The following KSR2 variants were observed in gnomAD, a reference collection of about 807,000 sequenced individuals.
KSR2 encodes the protein kinase suppressor of ras 2.
A neutral mutation model predicts 107.8 loss-of-function variants in KSR2; 25 were observed. The ratio of observed to expected loss-of-function variants is 0.23; its 90% CI spans 0.17 to 0.32. KSR2 has a LOEUF of 0.32. KSR2 is among the 10% of genes least tolerant of loss of function. The probability of loss-of-function intolerance (pLI) is 1.00; values close to 1 mark genes in which losing one functional copy is unlikely to be tolerated. For missense variants in KSR2, 887 were observed against 1,268.9 expected, an observed-to-expected ratio of 0.70 and a Z score of 4.57; for synonymous variants, 480 against 507.0, an observed-to-expected ratio of 0.95 and a Z score of 0.71.
Position 117,469,659 on chromosome 12 carries a change from T to G in KSR2, c.2846+3A>C, listed in dbSNP as rs1192200745. 2 of 1,611,968 alleles carry G rather than the reference T, an allele frequency of 1.2e-6. No homozygotes were observed. Among genetic ancestry groups the G allele is most frequent in the South Asian group, 2.2e-5 (2 of 90,342 alleles). On this transcript the variant is annotated splice_donor_region_variant and intron_variant, in intron 19 of 19. Coordinates refer to ENST00000339824, the MANE Select transcript of KSR2 (RefSeq NM_173598.6). The stretch of plus-strand genomic sequence containing the variant: ...GGGAGAGACATTAAGGGAGAAAACC[T>G]ACTCTGCAGACTTCCAGAAATGTCC...
At chr12:117,645,721 T>C (rs1357917198) in intron 5 of KSR2, among the ~76,000 whole-genome samples, 1 of 152,164 alleles carries the variant, frequency 6.6e-6, no homozygotes, top group African/African-American at 2.4e-5. Flanking sequence ...CGCCTTAGTT[T>C]CTCATGAGGG....
At chr12:117,947,186 GA>G (rs374803310) in intron 1 of KSR2, among the ~76,000 whole-genome samples, 2,298 of 98,684 alleles carry the variant, frequency 0.023, 46 homozygotes, top group Non-Finnish European at 0.037. Flanking sequence ...AAGAAAGAAA[GA>G]AAAGAAAGAA....
intron 3 of KSR2, among the ~76,000 whole-genome samples, chr12:117,814,494 A>G (rs1891305138): frequency 6.6e-6 from 1 of 152,156 alleles, no homozygotes; most frequent in East Asian, 1.9e-4. Flanking sequence ...TGCCACTTTC[A>G]CTGTGACAAC....
intron 5 of KSR2, among the ~76,000 whole-genome samples, chr12:117,649,237 T>A (rs2136429948): frequency 6.6e-6 from 1 of 152,314 alleles, no homozygotes; most frequent in South Asian, 2.1e-4. Context: ...GCCTGCATCC[T>A]AGAGGGCTTC....
intron 1 of KSR2, among the ~76,000 whole-genome samples, chr12:117,947,405 A>T (rs1896233966): frequency 6.6e-6 from 1 of 152,096 alleles, no homozygotes; most frequent in Non-Finnish European, 1.5e-5. Context: ...CCAAATAAAC[A>T]AACAAAAAAC....
At position 117,845,046 on chromosome 12, in the gene KSR2, T is replaced by A. The variant is rs374960767; in HGVS notation, c.472+10382A>T. On this transcript the variant is annotated intron_variant, in intron 3 of 19. Transcript: ENST00000339824. Reference sequence around the variant, plus strand: ...CTGTAGTCCCAGCTACTTGGGAGGCTGAGGCAGGAGAATGGCATGAACCCG... The same window carrying A: ...CTGTAGTCCCAGCTACTTGGGAGGCAGAGGCAGGAGAATGGCATGAACCCG... 1.3e-3 allele frequency among the ~76,000 whole-genome samples: 191 copies of A among 152,238 alleles called. 2 individuals are homozygous for A. The highest frequency in any genetic ancestry group is 3.4e-3 in the African/African-American group (143 of 41,544).
At chr12:117,870,038 G>C (rs1372439088) in intron 1 of KSR2, among the ~76,000 whole-genome samples, 5 of 152,198 alleles carry the variant, frequency 3.3e-5, no homozygotes, top group Non-Finnish European at 7.3e-5. Flanking sequence ...GAGCACCAGG[G>C]TGTGATCCCA....
chr12:117,560,493 T>C (rs1878035448), intron 7 of KSR2, among the ~76,000 whole-genome samples: 1 of 152,134 alleles, frequency 6.6e-6, no homozygotes. Context: ...TCTCCAATTC[T>C]CTTTCAATCT....
chr12:117,539,878 G>C lies in KSR2; in HGVS notation c.1528C>G (p.Pro510Ala), dbSNP rs1374231436. The change falls in exon 10 of 20, where the codon CCT becomes GCT. Residue 510 changes from proline (P) to alanine (A), a missense_variant. Pro to Ala is a conservative substitution (Grantham distance 27). Around this residue, in one of 8 missense-constraint regions of KSR2, gnomAD observed 60 missense variants for 77.5 expected, o/e 0.77. Transcript: ENST00000339824. ...CTGGAGTCTGGCTGGTAAGGGACAG[G>C]GATGTGGTCCTGCAGAGAGAAAACA... ...KTNKINKDHI[P>A]VPYQPDSSSN... 6.2e-7 allele frequency: 1 copy of C among 1,609,098 alleles called. No individual in the cohort carries two copies. The highest frequency in any genetic ancestry group is 1.7e-5 in the Admixed American group (1 of 59,402).
At chr12:117,902,326 C>T (rs753314486) in intron 1 of KSR2, among the ~76,000 whole-genome samples, 5 of 151,648 alleles carry the variant, frequency 3.3e-5, no homozygotes, top group African/African-American at 9.7e-5. Context: ...GGCGTGGTGG[C>T]GCGTGTCAAT....
At chr12:117,539,492 A>C in intron 10 of KSR2, 1 of 473,962 alleles carries the variant, frequency 2.1e-6, no homozygotes, top group South Asian at 4.4e-5. Context: ...ATGAGCTGAT[A>C]ATGCTTACCT....
At chr12:117,526,964 G>C in intron 13 of KSR2, 107 bp downstream of exon 13, 1 of 855,624 alleles carries the variant, frequency 1.2e-6, no homozygotes. Context: ...GGCCACCACA[G>C]CCCCCACCTG....
intron 5 of KSR2, among the ~76,000 whole-genome samples, chr12:117,662,032 G>T (rs1884453989): frequency 6.6e-6 from 1 of 152,116 alleles, no homozygotes; most frequent in Admixed American, 6.5e-5. Context: ...AGCTGCTGGG[G>T]CCTGAGTTTC....
intron 16 of KSR2, among the ~76,000 whole-genome samples, chr12:117,477,714 TAGAACCCTAAAGAACACC>T: frequency 6.6e-6 from 1 of 152,328 alleles, no homozygotes; most frequent in South Asian, 2.1e-4. Flanking sequence ...CAGGGTGTTC[TAGAACCCTAAAGAACACC>T]AGTGTAATTG....
intron 3 of KSR2, among the ~76,000 whole-genome samples, chr12:117,789,949 C>T (rs768819702): frequency 6.6e-6 from 1 of 152,090 alleles, no homozygotes; most frequent in Admixed American, 6.6e-5. Flanking sequence ...GAGGAGATGA[C>T]GTTTTTGCTA....
At chr12:117,900,772 G>A (rs1482953372) in intron 1 of KSR2, among the ~76,000 whole-genome samples, 1 of 152,158 alleles carries the variant, frequency 6.6e-6, no homozygotes, top group Non-Finnish European at 1.5e-5. Context: ...CACTATAGCG[G>A]CTAGTGCCTC....
At chr12:117,888,582 G>A (rs997859348) in intron 1 of KSR2, among the ~76,000 whole-genome samples, 2 of 152,138 alleles carry the variant, frequency 1.3e-5, no homozygotes, top group Admixed American at 6.6e-5. Context: ...TGTCCTTCTA[G>A]GAACAGGAAG....
chr12:117,595,027 T>C (rs1424319844), intron 5 of KSR2, among the ~76,000 whole-genome samples: 7 of 152,166 alleles, frequency 4.6e-5, no homozygotes, highest in Non-Finnish European at 1.0e-4. Flanking sequence ...ATCCATTAAA[T>C]GCATGGACAG....
chr12:117,585,672 T>C (rs1225141746), intron 5 of KSR2, among the ~76,000 whole-genome samples: 2 of 152,184 alleles, frequency 1.3e-5, no homozygotes, highest in Admixed American at 6.5e-5. Context: ...ATCCAGGCCT[T>C]ATCATAACAG....
Sources: allele counts gnomAD v4.1 joint callset (sites outside exome capture counted in the v4.1 genomes callset), GRCh38; gene constraint gnomAD v4.1.1; regional missense constraint gnomAD v4.1.1; transcripts MANE v1.5; gene names NCBI Gene and HGNC (gene_info 2026-07-23, HGNC 2026-07-21).